The following NLRP1 variants were observed in gnomAD, a reference collection of about 807,000 sequenced individuals.
NLRP1 encodes the protein NACHT, LRR and PYD domains-containing protein 1.
Under a neutral mutation model 136.7 loss-of-function variants are expected in NLRP1, and 94 were observed. The observed-to-expected ratio is 0.69, with a 90% CI of 0.58 to 0.82. The LOEUF is 0.82. Among genes scored for constraint, NLRP1 ranks in the 40% least tolerant of loss-of-function variants. The pLI, the probability that NLRP1 is intolerant of heterozygous loss-of-function variation, is 0.00. For missense variants in NLRP1, 1,575 were observed against 1,802.7 expected (o/e 0.87, Z 2.29); for synonymous variants, 690 against 725.1 (o/e 0.95, Z 0.78).
At chr17:5,551,112 C>A (rs1913301943) in intron 5 of NLRP1, among the ~76,000 whole-genome samples, 1 of 152,106 alleles carries the variant, frequency 6.6e-6, no homozygotes, top group African/African-American at 2.4e-5. Context: ...ATTTTGATTG[C>A]TGTAAAATAA....
At chr17:5,557,447 G>A (rs1914219480) in intron 4 of NLRP1, among the ~76,000 whole-genome samples, 2 of 151,934 alleles carry the variant, frequency 1.3e-5, no homozygotes, top group Non-Finnish European at 2.9e-5. Context: ...TCCCTTCCTT[G>A]GGCCACCACA....
At position 5,543,734 on chromosome 17, in the gene NLRP1, G is replaced by GT. The variant is rs552039741; in HGVS notation, c.2529-1708dup. 5.3e-3 allele frequency among the ~76,000 whole-genome samples: 802 copies of GT among 152,216 alleles called. 4 individuals carry two copies. The highest frequency in any genetic ancestry group is 0.026 in the South Asian group (126 of 4,824). On this transcript the variant is annotated intron_variant, in intron 5 of 16. Transcript: ENST00000572272. The stretch of plus-strand genomic sequence containing the variant: ...GGGAAAGGCAGGAGGCAAGGGGTCT[G>GT]TGGGGGAGGATGAGCAACTGTCAGA...
chr17:5,509,474 C>T (rs1371786082), downstream of NLRP1, among the ~76,000 whole-genome samples: 1 of 152,204 alleles, frequency 6.6e-6, no homozygotes, highest in Non-Finnish European at 1.5e-5. Context: ...CCTGGCAAAT[C>T]CTACTCCTTG....
chr17:5,531,739 T>G (rs1910297250), intron 11 of NLRP1, among the ~76,000 whole-genome samples: 1 of 152,164 alleles, frequency 6.6e-6, no homozygotes, highest in Non-Finnish European at 1.5e-5. Context: ...ATCATGAGTA[T>G]GACTATAGAG....
chr17:5,512,337 T>C (rs1207434324), downstream of NLRP1: 4 of 1,346,898 alleles, frequency 3.0e-6, no homozygotes, highest in Non-Finnish European at 4.3e-6. Flanking sequence ...GCGGGTCTAC[T>C]TTAGCCTTAC....
chr17:5,515,009 C>T lies in NLRP1; in HGVS notation c.4167G>A (p.Leu1389=), dbSNP rs1365207732. ...LHFVDQYREQ[L]IARVTSVEVV... ...CCTCCACCGATGTCACTCGGGCTAT[C>T]AGCTGCTCTCGATACTGGTCCACAA... The change falls in exon 17 of 17, where the codon CTG becomes CTA. Residue 1389 remains leucine, a synonymous_variant. Transcript: ENST00000572272. 1.9e-6 allele frequency: 3 copies of T among 1,614,216 alleles called. No individual in the cohort carries two copies. The highest frequency in any genetic ancestry group is 1.1e-5 in the South Asian group (1 of 91,090).
At chr17:5,542,421 C>T (rs1477420836) in intron 5 of NLRP1, among the ~76,000 whole-genome samples, 1 of 152,036 alleles carries the variant, frequency 6.6e-6, no homozygotes, top group Non-Finnish European at 1.5e-5. Context: ...AAGGTCTCTG[C>T]ACCTGCTGCT....
At chr17:5,530,449 C>T (rs1597408893) in intron 12 of NLRP1, 32 bp downstream of exon 12, 1 of 1,584,838 alleles carries the variant, frequency 6.3e-7, no homozygotes, top group African/African-American at 1.3e-5. Context: ...TAATTACCAC[C>T]ACCTTCCTCC....
chr17:5,557,026 C>T (rs979561351), intron 4 of NLRP1, among the ~76,000 whole-genome samples: 16 of 152,148 alleles, frequency 1.1e-4, no homozygotes, highest in East Asian at 3.9e-4. Flanking sequence ...TTTTTTGAGA[C>T]GGAGTCTGGC....
rs1914504729 is a variant in NLRP1 at position 5,559,657 on chromosome 17, C to T, written c.1039G>A (p.Val347Met). The T allele has an allele frequency of 6.8e-6, 11 of 1,614,146 alleles. No homozygotes were observed. The highest frequency in any genetic ancestry group is 9.3e-6 in the Non-Finnish European group (11 of 1,180,050). ...TGGCCTCTCCCCCAGGCTTCCTTCA[C>T]CTGCCTGGCCAGTGTTGACTTCCCA... is the stretch of plus-strand genomic sequence containing the variant. ...GIGKSTLARQ[V>M]KEAWGRGQLY... is the part of the protein sequence containing the mutation. Residue 347 changes from valine (V) to methionine (M), a missense_variant, in exon 4 of 17, where the codon GTG (valine) becomes ATG (methionine). Transcript: ENST00000572272.
intron 3 of NLRP1, among the ~76,000 whole-genome samples, chr17:5,580,122 C>T (rs569170409): frequency 1.3e-5 from 2 of 152,100 alleles, no homozygotes; most frequent in East Asian, 1.9e-4. Flanking sequence ...GTAGTCCCAG[C>T]GACTCGGGAG....
chr17:5,559,294 G>A lies in NLRP1; in HGVS notation c.1402C>T (p.Pro468Ser). ...ARTTALQNLI[P>S]SLEQARWVEV... is the part of the protein sequence containing the mutation. ...ACCCAACGTGCCTGCTCCAAAGAAGGAATGAGGTTCTGCAGAGCTGTGGTC... is the reference window on the plus strand; with the variant it reads ...ACCCAACGTGCCTGCTCCAAAGAAGAAATGAGGTTCTGCAGAGCTGTGGTC... The change falls in exon 4 of 17, where the codon CCT becomes TCT. Residue 468 changes from proline to serine, a missense_variant. Coordinates refer to ENST00000572272, the MANE Select transcript of NLRP1 (RefSeq NM_033004.4). The A allele has an allele frequency of 1.2e-6, 2 of 1,614,204 alleles. No homozygotes were observed. Among genetic ancestry groups the A allele is most frequent in the Non-Finnish European group, 1.7e-6 (2 of 1,180,026 alleles).
chr17:5,531,155 T>TATCTATCTA (rs1555543810), intron 11 of NLRP1, among the ~76,000 whole-genome samples: 1 of 141,422 alleles, frequency 7.1e-6, no homozygotes, highest in Non-Finnish European at 1.6e-5. Flanking sequence ...TCTATCTATC[T>TATCTATCTA]ATCTATCTAA....
chr17:5,569,187 C>T (rs985686436), intron 3 of NLRP1, among the ~76,000 whole-genome samples: 1 of 152,124 alleles, frequency 6.6e-6, no homozygotes. Flanking sequence ...AGTACACAGT[C>T]CACTGATACT....
chr17:5,506,610 G>A (rs1907346417), intron 15 of NLRP1, among the ~76,000 whole-genome samples: 1 of 152,086 alleles, frequency 6.6e-6, no homozygotes, highest in South Asian at 2.1e-4. Context: ...AGGAAATTCT[G>A]GCTGGGTGAG....
rs770389800 is a variant in NLRP1 at position 5,583,832 on chromosome 17, G to A, written c.126C>T (p.Pro42=). The change falls in exon 1 of 17, where the codon CCC becomes CCT. Residue 42 remains proline (P), a synonymous_variant. Coordinates refer to ENST00000572272, the MANE Select transcript of NLRP1 (RefSeq NM_033004.4). The surrounding 1 kb of genome is among the most constrained non-coding windows in gnomAD (Gnocchi z 4.5). ...AHSRSSSGET[P]AQPEKTSGME... ...TGCCACTCGTCTTCTCTGGCTGAGC[G>A]GGTGTCTCACCCGAAGAGCTCCTGG... 1.9e-5 allele frequency: 29 copies of A among 1,566,482 alleles called. No homozygotes were observed. The highest frequency in any genetic ancestry group is 6.8e-5 in the African/African-American group (5 of 73,960).
rs775569911 is a variant in NLRP1 at position 5,583,978 on chromosome 17, G to A, written c.-21C>T. 7 of 1,600,776 alleles carry A rather than the reference G, an allele frequency of 4.4e-6. No individual in the cohort carries two copies. In the African/African-American group the frequency reaches 9.4e-5, roughly 21 times the overall value. Reference sequence around the variant, plus strand: ...GCCATCTCTGTCCCGGAGTTAAGAGGGTGTCTGGGGGATGTTCCCAGGTGG... The same window carrying A: ...GCCATCTCTGTCCCGGAGTTAAGAGAGTGTCTGGGGGATGTTCCCAGGTGG... On this transcript the variant is annotated 5_prime_UTR_variant, in exon 1 of 17. Coordinates refer to ENST00000572272, the MANE Select transcript of NLRP1 (RefSeq NM_033004.4). The surrounding 1 kb of genome is among the most constrained non-coding windows in gnomAD (Gnocchi z 4.5).
At position 5,576,193 on chromosome 17, in the gene NLRP1, C is replaced by A. The variant is rs184882526; in HGVS notation, c.652+5666G>T. 3.3e-5 allele frequency among the ~76,000 whole-genome samples: 5 copies of A among 152,124 alleles called. No individual in the cohort carries two copies. The East Asian group carries it at 7.7e-4, about 23-fold the overall frequency. On this transcript the variant is annotated intron_variant, in intron 3 of 16. Transcript: ENST00000572272. ...AAGCAGGAAAGATCTAAAATTGACA[C>A]CCTAACATCACAATAGAAAGAACTA...
chr17:5,545,294 C>T (rs1044837694), intron 5 of NLRP1, among the ~76,000 whole-genome samples: 11 of 151,658 alleles, frequency 7.3e-5, no homozygotes, highest in South Asian at 2.1e-4. Context: ...GGTGACAGAG[C>T]GAAACCCCAA....
Sources: gnomAD v4.1 joint callset for allele counts (sites outside exome capture counted in the v4.1 genomes callset) on GRCh38, gnomAD v4.1.1 for gene constraint, Gnocchi (gnomAD v3.1) non-coding constraint, MANE v1.5 for transcripts, NCBI Gene and HGNC (gene_info 2026-07-23, HGNC 2026-07-21) for gene names.